NAE1: variants seen among roughly 807,000 people sequenced by gnomAD.
NAE1 encodes NEDD8-activating enzyme E1 regulatory subunit.
Under a neutral mutation model 88.0 loss-of-function variants are expected in NAE1, and 59 were observed. The observed-to-expected ratio is 0.67, with a 90% confidence interval of 0.54 to 0.83. The LOEUF (loss-of-function observed/expected upper bound fraction) is 0.83. Ranked by LOEUF, NAE1 falls within the 40% of genes least tolerant of loss-of-function variation. The pLI, the probability that NAE1 is intolerant of heterozygous loss-of-function variation, is 0.00. For synonymous variants in NAE1, 186 were observed against 208.9 expected (o/e 0.89, Z 0.95); for missense variants, 554 against 632.8 (o/e 0.88, Z 1.34).
intron 13 of NAE1, among the ~76,000 whole-genome samples, chr16:66,812,646 T>C (rs1266090151): frequency 2.0e-5 from 3 of 149,406 alleles, no homozygotes; most frequent in Admixed American, 6.7e-5. Flanking sequence ...GCCTCCCGAA[T>C]AGCTGGGACT....
intron 17 of NAE1, among the ~76,000 whole-genome samples, chr16:66,807,980 T>C (rs959879435): frequency 6.6e-6 from 1 of 152,028 alleles, no homozygotes; most frequent in Non-Finnish European, 1.5e-5. Flanking sequence ...CACAACTCAC[T>C]GTAGCCCCAA....
intron 19 of NAE1, among the ~76,000 whole-genome samples, 162 bp from the exon 20 acceptor site, chr16:66,803,280 A>G (rs1424724281): frequency 2.6e-5 from 4 of 152,214 alleles, no homozygotes; most frequent in South Asian, 2.1e-4. Flanking sequence ...ATAAAAGCCT[A>G]TAATTCTTTT....
chr16:66,809,612 T>G (rs771390243), intron 15 of NAE1, among the ~76,000 whole-genome samples: 1 of 152,202 alleles, frequency 6.6e-6, no homozygotes, highest in Non-Finnish European at 1.5e-5. Context: ...TCTAGTATTA[T>G]ATAATCTAAT....
chr16:66,827,961 C>T lies in NAE1; in HGVS notation c.54-1181G>A, dbSNP rs1373798543. ...TCAGCCTCTAGAGTTGCTGGGACTACAGGCACAAGCCACTGTACCTGGCTT... is the reference window on the plus strand; with the variant it reads ...TCAGCCTCTAGAGTTGCTGGGACTATAGGCACAAGCCACTGTACCTGGCTT... On this transcript the variant is annotated intron_variant, in intron 1 of 19. Coordinates refer to ENST00000290810, the MANE Select transcript of NAE1 (RefSeq NM_003905.4). The T allele has an allele frequency of 1.9e-6, 3 of 1,603,382 alleles. No homozygotes were observed. In the Admixed American group the frequency reaches 5.0e-5, roughly 27 times the overall value.
intron 7 of NAE1, among the ~76,000 whole-genome samples, chr16:66,820,698 G>A (rs189779906): frequency 2.4e-4 from 37 of 152,284 alleles, no homozygotes; most frequent in Admixed American, 5.2e-4. Flanking sequence ...TCAGGAGATT[G>A]AGACCATCCT....
intron 7 of NAE1, 122 bp downstream of exon 7, chr16:66,821,328 G>T: frequency 3.2e-6 from 4 of 1,250,916 alleles, no homozygotes; most frequent in Non-Finnish European, 4.2e-6. Flanking sequence ...CTTTGAATCT[G>T]CAACTAGAGA....
intron 13 of NAE1, among the ~76,000 whole-genome samples, chr16:66,812,479 T>C (rs1959842022): frequency 6.6e-6 from 1 of 152,060 alleles, no homozygotes. Context: ...CATTCAATTT[T>C]GCTTTGAGCT....
intron 16 of NAE1, 109 bp from the exon 17 acceptor site, chr16:66,808,722 C>T (rs890542042): frequency 1.2e-6 from 1 of 830,552 alleles, no homozygotes; most frequent in Non-Finnish European, 2.0e-6. Flanking sequence ...ACTGGAGTCA[C>T]ACAATCTCTA....
Position 66,823,555 on chromosome 16 carries a change from C to T in NAE1, c.295G>A (p.Asp99Asn), listed in dbSNP as rs1243552694. 7 of 1,611,606 alleles carry T rather than the reference C, an allele frequency of 4.3e-6. No individual in the cohort carries two copies. The highest frequency in any genetic ancestry group is 2.2e-5 in the East Asian group (1 of 44,822). Reference protein sequence around the residue: ...AMEFLQELNSDVSGSFVEESP... With the variant: ...AMEFLQELNSNVSGSFVEESP... ...TCTTCCACAAAACTTCCAGAGACAT[C>T]GCTATTTAATTCTTGTAAGAATTCC... is the stretch of plus-strand genomic sequence containing the variant. Residue 99 changes from aspartate (D) to asparagine (N), a missense_variant, in exon 5 of 20, where the codon GAT (aspartate) becomes AAT (asparagine). Transcript: ENST00000290810.
chr16:66,822,752 C>T (rs1960320589), intron 6 of NAE1, among the ~76,000 whole-genome samples: 1 of 149,280 alleles, frequency 6.7e-6, no homozygotes, highest in Admixed American at 6.6e-5. Context: ...TCACTGCAAC[C>T]TCCACCTCCC....
chr16:66,818,667 T>C (rs1156580057), intron 7 of NAE1, 30 bp from the exon 8 acceptor site: 2 of 1,575,276 alleles, frequency 1.3e-6, no homozygotes. Flanking sequence ...AAAGGATAAA[T>C]TTAACACTTA....
chr16:66,828,163 A>C, intron 1 of NAE1: 2 of 992,414 alleles, frequency 2.0e-6, no homozygotes, highest in Non-Finnish European at 1.5e-6. Flanking sequence ...TGGTTGATGG[A>C]TGCTTAGATA....
Position 66,827,596 on chromosome 16 carries a change from TTTAAG to T in NAE1, c.54-821_54-817del, listed in dbSNP as rs769468129. ...AAAAAAAAAAATTATATTAGATGCA[TTTAAG>T]TTAAGTTAGATGCATTTAAGATCTC... On this transcript the variant is annotated intron_variant, in intron 1 of 19. Coordinates refer to ENST00000290810, the MANE Select transcript of NAE1 (RefSeq NM_003905.4). The T allele has an allele frequency of 6.0e-4, 100 of 166,772 alleles. 2 individuals carry two copies. Among genetic ancestry groups the T allele is most frequent in the Non-Finnish European group, 3.9e-4 (30 of 76,996 alleles). The allele number at this position is 166,772 out of a possible 1,614,324, so 10.3% of individuals were successfully genotyped here.
intron 13 of NAE1, among the ~76,000 whole-genome samples, chr16:66,812,825 C>CT (rs78456292): frequency 0.019 from 2,285 of 119,792 alleles, 44 homozygotes; most frequent in South Asian, 0.11. Context: ...GGCCTAAGTT[C>CT]TTTTTTTTTT....
rs367874664 is a variant in NAE1 at position 66,821,479 on chromosome 16, T to A, written c.482A>T (p.Tyr161Phe). ...ATGTTCTTTTATAATGATCCTCATA[T>A]AACCAACTAGTCCATATGTCCTACA... ...LICRTYGLVG[Y>F]MRIIIKEHPV... is the part of the protein sequence containing the mutation. The change falls in exon 7 of 20, where the codon TAT (tyrosine) becomes TTT (phenylalanine). Residue 161 changes from tyrosine to phenylalanine, a missense_variant. Transcript: ENST00000290810. 6.3e-6 allele frequency: 10 copies of A among 1,595,546 alleles called. No individual in the cohort carries two copies. The highest frequency in any genetic ancestry group is 8.5e-6 in the Non-Finnish European group (10 of 1,172,788).
At chr16:66,822,674 ATTTT>A (rs1347628564) in intron 6 of NAE1, among the ~76,000 whole-genome samples, 7 of 137,548 alleles carry the variant, frequency 5.1e-5, no homozygotes, top group African/African-American at 1.1e-4. Context: ...TTATTTATTT[ATTTT>A]TTTTTTTTGA....
intron 19 of NAE1, 38 bp from the exon 20 acceptor site, chr16:66,803,156 G>T: frequency 7.3e-7 from 1 of 1,377,866 alleles, no homozygotes. Context: ...CTTTGAAAGA[G>T]TAAACTTCAA....
Position 66,802,939 on chromosome 16 carries a change from A to C in NAE1, c.*70T>G, listed in dbSNP as rs1185378184. 19 of 915,456 alleles carry C rather than the reference A, an allele frequency of 2.1e-5. No homozygotes were observed. Among genetic ancestry groups the C allele is most frequent in the Non-Finnish European group, 3.3e-5 (19 of 567,654 alleles). 56.7% of individuals were successfully genotyped at this position (915,456 alleles called of 1,614,324 possible). ...TAGCAGCTCTCCTTTAGAATTTTAC[A>C]GACTAAAGCACAACCCGAAGGCAAT... On this transcript the variant is annotated 3_prime_UTR_variant, in exon 20 of 20. Coordinates refer to ENST00000290810, the MANE Select transcript of NAE1 (RefSeq NM_003905.4).
At chr16:66,807,908 C>CTT (rs879516167) in intron 17 of NAE1, among the ~76,000 whole-genome samples, 5 of 145,022 alleles carry the variant, frequency 3.4e-5, no homozygotes, top group Admixed American at 6.9e-5. Context: ...TAGTAGCATA[C>CTT]TTTTTTTTTT....
Sources: allele counts gnomAD v4.1 joint callset (sites outside exome capture counted in the v4.1 genomes callset), GRCh38; gene constraint gnomAD v4.1.1; transcripts MANE v1.5; gene names NCBI Gene and HGNC (gene_info 2026-07-23, HGNC 2026-07-21).